Variants in ST6GALNAC3 observed in about 807,000 individuals in gnomAD.
The protein encoded by ST6GALNAC3 is ST6 N-acetylgalactosaminide alpha-2,6-sialyltransferase 3.
Under a neutral mutation model 32.7 loss-of-function variants are expected in ST6GALNAC3, and 25 were observed. That is an observed-to-expected ratio of 0.76 (90% CI 0.56 to 1.07). The LOEUF (loss-of-function observed/expected upper bound fraction) is 1.07. Among genes scored for constraint, ST6GALNAC3 ranks in the 50% least tolerant of loss-of-function variants. ST6GALNAC3 has a pLI of 0.00. For missense variants in ST6GALNAC3, 355 were observed against 382.4 expected, an observed-to-expected ratio of 0.93 and a Z score of 0.60; for synonymous variants, 129 against 133.1, an observed-to-expected ratio of 0.97 and a Z score of 0.21.
chr1:76,576,713 A>G (rs953901965), intron 3 of ST6GALNAC3: 13 of 617,188 alleles, frequency 2.1e-5, no homozygotes, highest in East Asian at 6.9e-5. Context: ...GCCAGAGGAA[A>G]AGCTCTGGGG....
intron 1 of ST6GALNAC3, among the ~76,000 whole-genome samples, chr1:76,146,878 AG>A (rs1650714422): frequency 6.6e-6 from 1 of 152,162 alleles, no homozygotes; most frequent in Admixed American, 6.5e-5. Context: ...GAAAGTATCT[AG>A]GAAGACCAGT....
chr1:76,116,558 G>A (rs937936613), intron 1 of ST6GALNAC3, among the ~76,000 whole-genome samples: 2 of 152,092 alleles, frequency 1.3e-5, no homozygotes, highest in Non-Finnish European at 2.9e-5. Context: ...ATAAAGTGAA[G>A]AGCTGTTGGA....
rs796717864 is a variant in ST6GALNAC3, at chr1:76,508,442, A to C, written c.623+96025A>C. Among the ~76,000 whole-genome samples, 9 of 152,248 alleles carry C rather than the reference A, an allele frequency of 5.9e-5. 1 individual carries two copies. Among genetic ancestry groups the C allele is most frequent in the African/African-American group, 2.2e-4 (9 of 41,548 alleles). On this transcript the variant is annotated intron_variant, in intron 3 of 4. Transcript: ENST00000328299. ...ATTTGGCCCACTACTATAGTTATATAATGACAGGAAAATTTCAACATTCTA... is the reference window on the plus strand; with the variant it reads ...ATTTGGCCCACTACTATAGTTATATCATGACAGGAAAATTTCAACATTCTA...
chr1:76,116,210 G>GA (rs1234209500), intron 1 of ST6GALNAC3, among the ~76,000 whole-genome samples: 1 of 151,144 alleles, frequency 6.6e-6, no homozygotes, highest in African/African-American at 2.4e-5. Flanking sequence ...TGAAGAGAAT[G>GA]AAAAAAAAAG....
chr1:76,266,598 A>T (rs1432400301), intron 1 of ST6GALNAC3, among the ~76,000 whole-genome samples: 1 of 152,210 alleles, frequency 6.6e-6, no homozygotes, highest in Admixed American at 6.5e-5. Flanking sequence ...CTCTAGGGAT[A>T]AAAGAGCAAC....
At chr1:76,075,210 T>G (rs1202714642) in intron 1 of ST6GALNAC3, among the ~76,000 whole-genome samples, 1 of 152,166 alleles carries the variant, frequency 6.6e-6, no homozygotes, top group Non-Finnish European at 1.5e-5. Context: ...CCCGCGGCTC[T>G]GTGGAGCCTG....
chr1:76,342,069 A>G (rs753317034), intron 2 of ST6GALNAC3, among the ~76,000 whole-genome samples: 4 of 152,114 alleles, frequency 2.6e-5, no homozygotes, highest in Non-Finnish European at 5.9e-5. Context: ...ATAGTATTCC[A>G]TGGAGTATAT....
chr1:76,549,310 A>G (rs1664480939), intron 3 of ST6GALNAC3, among the ~76,000 whole-genome samples: 1 of 152,122 alleles, frequency 6.6e-6, no homozygotes, highest in Non-Finnish European at 1.5e-5. Flanking sequence ...TTCTGTCTCC[A>G]GAAATAACCA....
At position 76,607,062 on chromosome 1, in the gene ST6GALNAC3, G is replaced by A. The variant is rs540095013; in HGVS notation, c.624-20390G>A. Among the ~76,000 whole-genome samples, 9 of 152,172 alleles carry A rather than the reference G, an allele frequency of 5.9e-5. No homozygotes were observed. The South Asian group carries it at 1.7e-3, about 28-fold the overall frequency. ...CTGACCAACCAACAATAAATCAGGG[G>A]TGCTTACTACTTCCTCCTTGGGTTG... On this transcript the variant is annotated intron_variant, in intron 3 of 4. Coordinates refer to ENST00000328299, the MANE Select transcript of ST6GALNAC3 (RefSeq NM_152996.4).
In ST6GALNAC3 at chr1:76,088,317, T is replaced by A. The variant is rs75386842; in HGVS notation, c.18+13433T>A. The stretch of plus-strand genomic sequence containing the variant: ...TCCTAGAGCAGAGAATCACTAGTAC[T>A]ATTACAAACCATTCCAGTAACAAAT... On this transcript the variant is annotated intron_variant, in intron 1 of 4. Coordinates refer to ENST00000328299, the MANE Select transcript of ST6GALNAC3 (RefSeq NM_152996.4). Among the ~76,000 whole-genome samples, 752 of 152,334 alleles carry A rather than the reference T, an allele frequency of 4.9e-3. 3 individuals carry two copies. The highest frequency in any genetic ancestry group is 0.017 in the African/African-American group (702 of 41,570).
At chr1:76,365,829 T>A (rs1398037262) in intron 2 of ST6GALNAC3, among the ~76,000 whole-genome samples, 1 of 152,198 alleles carries the variant, frequency 6.6e-6, no homozygotes, top group African/African-American at 2.4e-5. Flanking sequence ...TTAGTTTAAC[T>A]CATGGTTATA....
intron 1 of ST6GALNAC3, among the ~76,000 whole-genome samples, chr1:76,115,607 G>A (rs960832273): frequency 3.9e-5 from 6 of 152,040 alleles, no homozygotes; most frequent in African/African-American, 1.5e-4. Context: ...AAGACATTGG[G>A]GATGGGAACA....
chr1:76,525,789 GTGTATATATATATATA>G lies in ST6GALNAC3; in HGVS notation c.624-101661_624-101646del, dbSNP rs1268919039. Among the ~76,000 whole-genome samples, 17 of 58,918 alleles carry G rather than the reference GTGTATATATATATATA, an allele frequency of 2.9e-4. 1 individual carries two copies. The highest frequency in any genetic ancestry group is 9.6e-4 in the South Asian group (1 of 1,044). 38.7% of individuals were successfully genotyped at this position (58,918 alleles called of 152,430 possible). ...TGTGTGTTTGTGTGTGTGTGTGTGT[GTGTATATATATATATA>G]TATATATATATATATATATATATGA... On this transcript the variant is annotated intron_variant, in intron 3 of 4. Coordinates refer to ENST00000328299, the MANE Select transcript of ST6GALNAC3 (RefSeq NM_152996.4).
At chr1:76,492,788 A>C (rs1660581142) in intron 3 of ST6GALNAC3, among the ~76,000 whole-genome samples, 2 of 152,176 alleles carry the variant, frequency 1.3e-5, no homozygotes, top group South Asian at 4.1e-4. Context: ...TGTGAGATGA[A>C]GCATATGGTT....
intron 1 of ST6GALNAC3, among the ~76,000 whole-genome samples, chr1:76,147,913 G>T (rs1001661121): frequency 6.6e-6 from 1 of 152,114 alleles, no homozygotes; most frequent in Non-Finnish European, 1.5e-5. Context: ...GGAGCCTTCT[G>T]TATTCGTGAC....
At chr1:76,240,982 C>T (rs1265829782) in intron 1 of ST6GALNAC3, among the ~76,000 whole-genome samples, 1 of 152,154 alleles carries the variant, frequency 6.6e-6, no homozygotes, top group Non-Finnish European at 1.5e-5. Flanking sequence ...TTTACCTATT[C>T]AACCCTTCTC....
chr1:76,222,266 CT>C (rs1655816875), intron 1 of ST6GALNAC3, among the ~76,000 whole-genome samples: 1 of 152,080 alleles, frequency 6.6e-6, no homozygotes, highest in South Asian at 2.1e-4. Flanking sequence ...GGATTAAAGA[CT>C]TATATGCAAA....
intron 3 of ST6GALNAC3, among the ~76,000 whole-genome samples, chr1:76,589,278 A>G (rs1647010547): frequency 6.6e-6 from 1 of 152,150 alleles, no homozygotes; most frequent in Non-Finnish European, 1.5e-5. Context: ...TTCACATGAC[A>G]AGTACTTTTA....
intron 2 of ST6GALNAC3, among the ~76,000 whole-genome samples, chr1:76,366,738 T>C (rs530659341): frequency 2.6e-5 from 4 of 152,230 alleles, no homozygotes; most frequent in African/African-American, 7.2e-5. Context: ...ACACAAGTAC[T>C]GAAAACAGAA....
Sources: allele counts gnomAD v4.1 joint callset (sites outside exome capture counted in the v4.1 genomes callset), GRCh38; gene constraint gnomAD v4.1.1; transcripts MANE v1.5; gene names NCBI Gene and HGNC (gene_info 2026-07-23, HGNC 2026-07-21).